The following ARHGAP10 variants were observed in gnomAD, a reference collection of about 807,000 sequenced individuals.
ARHGAP10 encodes Rho GTPase activating protein 10.
ARHGAP10 carries 87 observed loss-of-function variants against 108.6 expected under a neutral mutation model. That is an observed-to-expected ratio of 0.80 (90% CI 0.67 to 0.96). The LOEUF is 0.96. Among genes scored for constraint, ARHGAP10 ranks in the 40% least tolerant of loss-of-function variants. The pLI is 0.00. For synonymous variants in ARHGAP10, 347 were observed against 341.1 expected (o/e 1.02, Z -0.19); for missense variants, 939 against 954.5 (o/e 0.98, Z 0.21).
chr4:147,823,087 A>T, intron 3 of ARHGAP10, 130 bp downstream of exon 3: 1 of 979,170 alleles, frequency 1.0e-6, no homozygotes. Context: ...TAATGGAAAG[A>T]TGAGGTTTCC....
chr4:147,909,623 A>G (rs1736650361), intron 11 of ARHGAP10, 109 bp from the exon 12 acceptor site: 3 of 918,206 alleles, frequency 3.3e-6, no homozygotes, highest in Non-Finnish European at 5.0e-6. Flanking sequence ...ATTAACCAGA[A>G]TCAAGCTTAT....
intron 10 of ARHGAP10, among the ~76,000 whole-genome samples, chr4:147,905,027 C>A (rs919641306): frequency 3.3e-5 from 5 of 152,078 alleles, no homozygotes; most frequent in African/African-American, 1.2e-4. Flanking sequence ...GCATAAATGT[C>A]TTCTTTTGAG....
At chr4:147,913,325 A>G (rs531928866) in intron 13 of ARHGAP10, among the ~76,000 whole-genome samples, 186 bp downstream of exon 13, 47 of 152,364 alleles carry the variant, frequency 3.1e-4, no homozygotes, top group African/African-American at 1.1e-3. Flanking sequence ...TTTTATTTAC[A>G]TATTTCTTTC....
intron 15 of ARHGAP10, among the ~76,000 whole-genome samples, chr4:147,948,752 C>G (rs1375921323): frequency 6.6e-6 from 1 of 151,406 alleles, no homozygotes; most frequent in Non-Finnish European, 1.5e-5. Flanking sequence ...ATCAGGAGAT[C>G]AAGACCATCC....
At chr4:147,922,116 AGAAG>A (rs1291574134) in intron 13 of ARHGAP10, among the ~76,000 whole-genome samples, 1 of 152,262 alleles carries the variant, frequency 6.6e-6, no homozygotes, top group Admixed American at 6.5e-5. Flanking sequence ...GTGGGGTGTC[AGAAG>A]GAAGGAATTT....
chr4:147,932,830 CAATAAA>C (rs1379839470), intron 13 of ARHGAP10, among the ~76,000 whole-genome samples: 1 of 152,022 alleles, frequency 6.6e-6, no homozygotes, highest in African/African-American at 2.4e-5. Flanking sequence ...ATGGAAAAAA[CAATAAA>C]AAGGTAATAT....
Position 147,846,356 on chromosome 4 carries a change from C to T in ARHGAP10, c.313-795C>T, listed in dbSNP as rs571229927. 1.0e-3 allele frequency among the ~76,000 whole-genome samples: 155 copies of T among 152,182 alleles called. 3 individuals carry two copies. In the South Asian group the frequency reaches 0.027, roughly 26 times the overall value. ...GATGGCACATTCTTAAATAGTGTTT[C>T]GAGATTTTCTTTTCTATTTTGGATA... On this transcript the variant is annotated intron_variant, in intron 3 of 22. Coordinates refer to ENST00000336498, the MANE Select transcript of ARHGAP10 (RefSeq NM_024605.4).
intron 18 of ARHGAP10, among the ~76,000 whole-genome samples, chr4:147,989,021 C>A (rs1740154772): frequency 6.6e-6 from 1 of 152,198 alleles, no homozygotes; most frequent in Non-Finnish European, 1.5e-5. Context: ...CACGTAGGTT[C>A]TTCTCTATTT....
Position 147,882,181 on chromosome 4 carries a change from G to GGCCA in ARHGAP10, c.1034+251_1034+254dup, listed in dbSNP as rs2126872956. Among the ~76,000 whole-genome samples, 3 of 152,166 alleles carry GGCCA rather than the reference G, an allele frequency of 2.0e-5. No homozygotes were observed. In the South Asian group the frequency reaches 6.2e-4, roughly 32 times the overall value. On this transcript the variant is annotated intron_variant, in intron 10 of 22. Transcript: ENST00000336498. ...TTGTCACTTAAAAAATAACCTTGGA[G>GGCCA]GCCAGGTGCAGTGGCTCACACCTGT...
chr4:147,826,442 G>A (rs969634717), intron 3 of ARHGAP10, among the ~76,000 whole-genome samples: 2 of 152,132 alleles, frequency 1.3e-5, no homozygotes, highest in African/African-American at 4.8e-5. Context: ...GGAGTGGTGT[G>A]GTGTGTCATA....
At chr4:147,918,132 G>GTTTTT (rs1737064545) in intron 13 of ARHGAP10, among the ~76,000 whole-genome samples, 2 of 134,952 alleles carry the variant, frequency 1.5e-5, no homozygotes, top group African/African-American at 6.8e-5. Flanking sequence ...CTCTCATTAA[G>GTTTTT]ATTTTTTTTT....
intron 1 of ARHGAP10, among the ~76,000 whole-genome samples, chr4:147,790,257 A>G (rs986877287): frequency 1.3e-5 from 2 of 152,302 alleles, no homozygotes; most frequent in African/African-American, 2.4e-5. Context: ...TTCTCTTACA[A>G]TAATTCCATA....
At chr4:147,996,476 A>G (rs1330534036) in intron 18 of ARHGAP10, among the ~76,000 whole-genome samples, 26 of 152,168 alleles carry the variant, frequency 1.7e-4, no homozygotes, top group Admixed American at 1.7e-3. Context: ...GTGGATGATA[A>G]ACTGGCCCAG....
intron 22 of ARHGAP10, chr4:148,065,312 G>T (rs1729812928): frequency 6.6e-6 from 1 of 152,228 alleles, no homozygotes; most frequent in Admixed American, 6.5e-5. Flanking sequence ...TATGTGGAAT[G>T]TATCAACACG....
intron 3 of ARHGAP10, among the ~76,000 whole-genome samples, chr4:147,844,677 T>C (rs1733563845): frequency 6.6e-6 from 1 of 152,186 alleles, no homozygotes; most frequent in African/African-American, 2.4e-5. Flanking sequence ...CTTCACCTTT[T>C]CCATTCGGTC....
At chr4:147,916,421 T>C (rs1296822307) in intron 13 of ARHGAP10, 2 of 152,238 alleles carry the variant, frequency 1.3e-5, no homozygotes, top group African/African-American at 4.8e-5. Context: ...TATGAAATGT[T>C]CCATATTTTC....
chr4:147,763,863 T>G (rs1729688266), intron 1 of ARHGAP10, among the ~76,000 whole-genome samples: 1 of 151,828 alleles, frequency 6.6e-6, no homozygotes. Flanking sequence ...CAGGTGATTC[T>G]TGTGCCTCAG....
intron 1 of ARHGAP10, among the ~76,000 whole-genome samples, chr4:147,733,348 G>C (rs971252095): frequency 1.3e-5 from 2 of 152,220 alleles, no homozygotes; most frequent in African/African-American, 4.8e-5. Flanking sequence ...ATTAGCCCCA[G>C]TGAGGAGCTG....
At chr4:147,876,124 T>A (rs931031087) in intron 8 of ARHGAP10, among the ~76,000 whole-genome samples, 1 of 152,192 alleles carries the variant, frequency 6.6e-6, no homozygotes, top group Non-Finnish European at 1.5e-5. Flanking sequence ...GAAGTTAATG[T>A]TCTATGCAGG....
Sources: gnomAD v4.1 joint callset for allele counts (sites outside exome capture counted in the v4.1 genomes callset) on GRCh38, gnomAD v4.1.1 for gene constraint, MANE v1.5 for transcripts, NCBI Gene and HGNC (gene_info 2026-07-23, HGNC 2026-07-21) for gene names.